RBFOX1: variants seen among roughly 807,000 people sequenced by gnomAD.
RBFOX1 encodes RNA binding fox-1 homolog 1.
A neutral mutation model predicts 57.7 loss-of-function variants in RBFOX1; 8 were observed. That is an observed-to-expected ratio of 0.14 (90% CI 0.08 to 0.25). The LOEUF is 0.25. Ranked by LOEUF, RBFOX1 falls within the 10% of genes least tolerant of loss-of-function variation. The pLI, the probability that RBFOX1 is intolerant of heterozygous loss-of-function variation, is 1.00. For synonymous variants in RBFOX1, 326 were observed against 222.4 expected (o/e 1.47, Z -4.15); for missense variants, 611 against 548.5 (o/e 1.11, Z -1.14).
intron 10 of RBFOX1, among the ~76,000 whole-genome samples, chr16:7,621,451 C>T (rs1014961915): frequency 1.1e-4 from 17 of 151,916 alleles, no homozygotes; most frequent in South Asian, 4.2e-4. Flanking sequence ...TTGTTAGAGA[C>T]GGGTTTTGCC....
At chr16:5,356,835 T>G (rs4786678) in intron 1 of RBFOX1, among the ~76,000 whole-genome samples, 137,187 of 152,144 alleles carry the variant, frequency 0.9, 63,600 homozygotes, top group East Asian at 1. Context: ...TCCTTATGTT[T>G]GTTGCCGATA....
At chr16:6,892,796 CT>C (rs2065821411) in intron 3 of RBFOX1, among the ~76,000 whole-genome samples, 1 of 86,924 alleles carries the variant, frequency 1.2e-5, no homozygotes. Flanking sequence ...CTCTCTCTCT[CT>C]CTCTCTCTCT....
At chr16:7,014,473 C>G (rs563826199) in intron 3 of RBFOX1, among the ~76,000 whole-genome samples, 78 of 151,870 alleles carry the variant, frequency 5.1e-4, no homozygotes, top group African/African-American at 1.9e-3. Flanking sequence ...TCTCGAACTC[C>G]TGACCTCAGG....
chr16:7,626,552 G>A (rs2060101968), intron 10 of RBFOX1, among the ~76,000 whole-genome samples: 1 of 152,202 alleles, frequency 6.6e-6, no homozygotes, highest in African/African-American at 2.4e-5. Context: ...GGAGCCAAAT[G>A]TCTGCCAGGT....
chr16:7,458,369 A>C (rs1338750924), intron 4 of RBFOX1, among the ~76,000 whole-genome samples: 1 of 152,096 alleles, frequency 6.6e-6, no homozygotes, highest in Non-Finnish European at 1.5e-5. Context: ...TCACTTTCCC[A>C]TGCTGTCCTG....
At chr16:7,024,608 C>G (rs994378564) in intron 3 of RBFOX1, among the ~76,000 whole-genome samples, 1 of 152,056 alleles carries the variant, frequency 6.6e-6, no homozygotes, top group South Asian at 2.1e-4. Flanking sequence ...ACTGTGGGGT[C>G]GCCACTCCCC....
At chr16:7,108,632 A>G (rs1433751675) in intron 4 of RBFOX1, among the ~76,000 whole-genome samples, 1 of 152,132 alleles carries the variant, frequency 6.6e-6, no homozygotes, top group Non-Finnish European at 1.5e-5. Context: ...GTAAAATAGG[A>G]AAGTCTACCC....
chr16:6,755,359 C>T (rs1255927448), intron 3 of RBFOX1, among the ~76,000 whole-genome samples: 2 of 152,170 alleles, frequency 1.3e-5, no homozygotes, highest in Non-Finnish European at 2.9e-5. Flanking sequence ...TCCTCTCCAG[C>T]ACCTGTTGTT....
intron 4 of RBFOX1, among the ~76,000 whole-genome samples, chr16:5,951,890 A>G (rs2059527411): frequency 6.6e-6 from 1 of 151,884 alleles, no homozygotes; most frequent in Non-Finnish European, 1.5e-5. Context: ...GTGTGTATAT[A>G]CATATATATA....
rs567703871 is a variant in RBFOX1, at chr16:5,527,223, G to A, written c.258+59969G>A. On this transcript the variant is annotated intron_variant, in intron 2 of 2. Transcript: ENST00000585867. ...CTGTGTTGTCCTGATGAGGACCCGC[G>A]ATGGGCCCTGGGAATTCCAGAGTCA... Among the ~76,000 whole-genome samples the A allele has an allele frequency of 5.9e-5, 9 of 152,274 alleles. No individual in the cohort carries two copies. The East Asian group carries it at 9.7e-4, about 16-fold the overall frequency.
intron 3 of RBFOX1, among the ~76,000 whole-genome samples, chr16:6,838,052 G>C (rs1254452238): frequency 6.6e-6 from 1 of 151,234 alleles, no homozygotes; most frequent in East Asian, 1.9e-4. Flanking sequence ...GGATGCATGT[G>C]CAGAACATGC....
chr16:7,660,883 G>C (rs965133692), intron 12 of RBFOX1, among the ~76,000 whole-genome samples: 2 of 152,136 alleles, frequency 1.3e-5, no homozygotes, highest in Non-Finnish European at 2.9e-5. Flanking sequence ...TTGCACTGTG[G>C]AGCCGGACCC....
At position 5,378,495 on chromosome 16, in the gene RBFOX1, C is replaced by T. The variant is rs1009357621; in HGVS notation, c.220-88721C>T. 7.3e-5 allele frequency among the ~76,000 whole-genome samples: 11 copies of T among 151,478 alleles called. 1 individual carries two copies. The highest frequency in any genetic ancestry group is 2.0e-4 in the Admixed American group (3 of 15,258). ...GGGGCACCCTAGCAAGGAGCTTAAG[C>T]GTCAGTATTAACTATTTTCGTTCTG... On this transcript the variant is annotated intron_variant, in intron 1 of 2. Coordinates refer to the RBFOX1 transcript ENST00000585867.
intron 3 of RBFOX1, among the ~76,000 whole-genome samples, chr16:6,888,047 G>C (rs2064533826): frequency 6.6e-6 from 1 of 152,050 alleles, no homozygotes. Context: ...TTGTGTGTCT[G>C]ATTTGGGGAA....
chr16:6,855,412 G>GCCTC (rs2057659131), intron 3 of RBFOX1, among the ~76,000 whole-genome samples: 1 of 152,088 alleles, frequency 6.6e-6, no homozygotes, highest in Non-Finnish European at 1.5e-5. Context: ...AGCACTTTGG[G>GCCTC]AGGGTGAGGC....
At chr16:6,613,003 A>ATGTGTGTG (rs57236292) in intron 2 of RBFOX1, among the ~76,000 whole-genome samples, 45 of 143,158 alleles carry the variant, frequency 3.1e-4, no homozygotes, top group African/African-American at 1.0e-3. Flanking sequence ...CAGTCCCAGC[A>ATGTGTGTG]TGTGTGTGTG....
chr16:6,866,136 C>G (rs1262078890), intron 3 of RBFOX1, among the ~76,000 whole-genome samples: 5 of 152,028 alleles, frequency 3.3e-5, no homozygotes, highest in South Asian at 2.1e-4. Context: ...AGCTCTTTTT[C>G]TATCTAATAT....
At chr16:7,061,370 CTTGA>C (rs2054211924) in intron 4 of RBFOX1, among the ~76,000 whole-genome samples, 1 of 152,162 alleles carries the variant, frequency 6.6e-6, no homozygotes, top group African/African-American at 2.4e-5. Context: ...AAATCAACTT[CTTGA>C]TTGATTCTGA....
intron 4 of RBFOX1, among the ~76,000 whole-genome samples, chr16:7,205,294 G>T (rs951340883): frequency 2.6e-5 from 4 of 152,088 alleles, no homozygotes; most frequent in African/African-American, 9.7e-5. Context: ...GAGGCAGGCA[G>T]ATCACTTGAT....
Sources: gnomAD v4.1 joint callset for allele counts (sites outside exome capture counted in the v4.1 genomes callset) on GRCh38, gnomAD v4.1.1 for gene constraint, MANE v1.5 for transcripts, NCBI Gene and HGNC (gene_info 2026-07-23, HGNC 2026-07-21) for gene names.